Variants in ZNF362 observed in about 807,000 individuals in gnomAD.
The protein encoded by ZNF362 is rotund homolog.
ZNF362 carries 11 observed loss-of-function variants against 42.9 expected under a neutral mutation model. That is an observed-to-expected ratio of 0.26 (90% confidence interval 0.16 to 0.42). ZNF362 has a LOEUF of 0.42. Among genes scored for constraint, ZNF362 ranks in the 20% least tolerant of loss-of-function variants. The pLI, the probability that ZNF362 is intolerant of heterozygous loss-of-function variation, is 1.00. For missense variants in ZNF362, 362 were observed against 576.2 expected (o/e 0.63, Z 3.81); for synonymous variants, 255 against 257.3 (o/e 0.99, Z 0.09).
At chr1:33,179,404 C>T in the ZNF362 span, among the ~76,000 whole-genome samples, 3 of 152,168 alleles carry the variant, frequency 2.0e-5, no homozygotes, top group Non-Finnish European at 4.4e-5. Flanking sequence ...TGGGTGCAGG[C>T]CTACTCAAAG....
At chr1:33,151,089 C>G in the ZNF362 span, among the ~76,000 whole-genome samples, 1 of 152,046 alleles carries the variant, frequency 6.6e-6, no homozygotes, top group Non-Finnish European at 1.5e-5. Flanking sequence ...ATGTGAGCCA[C>G]TTGTGGTGCC....
the ZNF362 span, among the ~76,000 whole-genome samples, chr1:33,241,687 T>C: frequency 1.3e-5 from 2 of 152,002 alleles, no homozygotes; most frequent in East Asian, 3.9e-4. Context: ...AACGATCAAA[T>C]CTCAAAGAAG....
chr1:33,222,410 C>G, the ZNF362 span, among the ~76,000 whole-genome samples: 2 of 152,228 alleles, frequency 1.3e-5, no homozygotes, highest in African/African-American at 4.8e-5. Flanking sequence ...CATCTCTCAT[C>G]TACATTACTG....
the ZNF362 span, among the ~76,000 whole-genome samples, chr1:33,197,163 A>G: frequency 6.6e-6 from 1 of 152,108 alleles, no homozygotes; most frequent in East Asian, 1.9e-4. Context: ...TGGGTCTTGC[A>G]CCAGTGGCTT....
At chr1:33,249,260 G>A in the ZNF362 span, among the ~76,000 whole-genome samples, 1 of 152,206 alleles carries the variant, frequency 6.6e-6, no homozygotes, top group Admixed American at 6.5e-5. Context: ...CCTGTAGCAA[G>A]AGGAATCAGC....
intron 2 of ZNF362, 114 bp downstream of exon 2, chr1:33,270,726 G>C (rs1645896527): frequency 1.3e-6 from 2 of 1,527,214 alleles, no homozygotes; most frequent in Non-Finnish European, 1.8e-6. Flanking sequence ...TACCCTCTGG[G>C]TCTGCCCTGG....
chr1:33,181,262 G>A, the ZNF362 span: 1 of 1,548,170 alleles, frequency 6.5e-7, no homozygotes, highest in Non-Finnish European at 8.7e-7. The surrounding 1 kb of genome is among the most constrained non-coding windows in gnomAD (Gnocchi z 6.5). Context: ...CGGGCTCGGC[G>A]AACGTGCGCC....
the ZNF362 span, among the ~76,000 whole-genome samples, chr1:33,238,969 C>G: frequency 6.6e-6 from 1 of 152,112 alleles, no homozygotes; most frequent in African/African-American, 2.4e-5. Flanking sequence ...TTAATCCATC[C>G]AGCTTACGGC....
In ZNF362 at chr1:33,300,308, C is replaced by T. The variant is rs1279860657; in HGVS notation, c.*1262C>T. The T allele has an allele frequency of 6.6e-6, 1 of 151,972 alleles. No individual in the cohort carries two copies. The highest frequency in any genetic ancestry group is 1.5e-5 in the Non-Finnish European group (1 of 67,902). The allele number at this position is 151,972 out of a possible 1,614,324, so 9.4% of individuals were successfully genotyped here. On this transcript the variant is annotated 3_prime_UTR_variant, in exon 9 of 9. Transcript: ENST00000539719. ...CTGGGGTTTCTTTGCCCATGGGGTT[C>T]TCTGCCCCCACCCCCGGCCCTTTGT...
intron 2 of ZNF362, among the ~76,000 whole-genome samples, chr1:33,275,735 T>G (rs2148094125): frequency 2.0e-5 from 3 of 152,304 alleles, no homozygotes; most frequent in Admixed American, 2.0e-4. Context: ...TTGGGGGGCC[T>G]TCTGTATGGA....
At chr1:33,203,603 G>C in the ZNF362 span, among the ~76,000 whole-genome samples, 1 of 152,028 alleles carries the variant, frequency 6.6e-6, no homozygotes, top group South Asian at 2.1e-4. Flanking sequence ...GTGTACAAGG[G>C]TTCCCTTTTC....
At chr1:33,147,021 G>T in the ZNF362 span, 1 of 717,044 alleles carries the variant, frequency 1.4e-6, no homozygotes, top group Non-Finnish European at 2.3e-6. The surrounding 1 kb of genome is among the most constrained non-coding windows in gnomAD (Gnocchi z 8.1). Flanking sequence ...AGTAGGGAAT[G>T]CAACCTCCAT....
chr1:33,173,569 CAT>C, the ZNF362 span, among the ~76,000 whole-genome samples: 7 of 152,268 alleles, frequency 4.6e-5, no homozygotes, highest in South Asian at 1.5e-3. Flanking sequence ...CACCTGAACA[CAT>C]GTGTGCTCAC....
intron 6 of ZNF362, chr1:33,282,041 C>G: frequency 1.8e-6 from 1 of 566,662 alleles, no homozygotes; most frequent in South Asian, 2.1e-5. Flanking sequence ...AGAGAGACAC[C>G]CCTCTCCCGC....
chr1:33,192,462 C>A, the ZNF362 span, among the ~76,000 whole-genome samples: 1 of 152,170 alleles, frequency 6.6e-6, no homozygotes, highest in Non-Finnish European at 1.5e-5. Flanking sequence ...CAGACCGCCA[C>A]ACAAAGATTT....
At chr1:33,223,357 G>A in the ZNF362 span, among the ~76,000 whole-genome samples, 2 of 152,296 alleles carry the variant, frequency 1.3e-5, no homozygotes, top group East Asian at 1.9e-4. Flanking sequence ...TGCCATGATT[G>A]TGAGGCCTCC....
At chr1:33,173,486 C>T in the ZNF362 span, among the ~76,000 whole-genome samples, 1 of 152,056 alleles carries the variant, frequency 6.6e-6, no homozygotes, top group Non-Finnish European at 1.5e-5. Context: ...CAAAGCCCTT[C>T]CTGAGCTGGT....
the ZNF362 span, chr1:33,164,801 C>G: frequency 6.6e-6 from 1 of 151,476 alleles, no homozygotes; most frequent in Non-Finnish European, 1.5e-5. Context: ...ATTTTAGAGA[C>G]AGGGTATCAC....
At chr1:33,243,603 CT>C in the ZNF362 span, among the ~76,000 whole-genome samples, 439 of 140,930 alleles carry the variant, frequency 3.1e-3, no homozygotes, top group Admixed American at 8.4e-3. Context: ...ATTTTCTTTT[CT>C]TTTTTTTTTT....
Sources: gnomAD v4.1 joint callset for allele counts (sites outside exome capture counted in the v4.1 genomes callset) on GRCh38, gnomAD v4.1.1 for gene constraint, Gnocchi (gnomAD v3.1) non-coding constraint, MANE v1.5 for transcripts, NCBI Gene and HGNC (gene_info 2026-07-23, HGNC 2026-07-21) for gene names.